Variants in PSD2 observed in about 807,000 individuals in gnomAD.
PSD2 encodes the protein PH and SEC7 domain-containing protein 2.
Under a neutral mutation model 69.8 loss-of-function variants are expected in PSD2, and 38 were observed. That is an observed-to-expected ratio of 0.54 (90% CI 0.42 to 0.71). The LOEUF (loss-of-function observed/expected upper bound fraction) is 0.71, where lower values mean the gene tolerates loss of function less well. PSD2 is among the 30% of genes least tolerant of loss of function. The pLI is 0.00. For synonymous variants in PSD2, 412 were observed against 423.0 expected, an observed-to-expected ratio of 0.97 and a Z score of 0.32; for missense variants, 943 against 1,014.5, an observed-to-expected ratio of 0.93 and a Z score of 0.96.
intron 7 of PSD2, among the ~76,000 whole-genome samples, chr5:139,827,908 C>A (rs978945903): frequency 6.6e-6 from 1 of 151,798 alleles, no homozygotes; most frequent in Admixed American, 6.6e-5. Flanking sequence ...GGACACAGGG[C>A]GAAACTGTAT....
At chr5:139,773,326 A>G in the PSD2 span, among the ~76,000 whole-genome samples, 21 of 152,196 alleles carry the variant, frequency 1.4e-4, no homozygotes, top group East Asian at 3.9e-3. Context: ...GCAGTGGCAC[A>G]ATCATAGCTC....
In PSD2 at chr5:139,840,210, G is replaced by A. The variant is rs763150858; in HGVS notation, c.2112+40G>A. On this transcript the variant is annotated intron_variant, in intron 14 of 14. Coordinates refer to ENST00000274710, the MANE Select transcript of PSD2 (RefSeq NM_032289.4). ...ACTGGATTGCAAAGCCCAGTGCCCT[G>A]CTCTTTCTCCTTCCTGCCTGGCCTG... 3.7e-6 allele frequency: 6 copies of A among 1,606,720 alleles called. No individual in the cohort carries two copies. In the Admixed American group the frequency reaches 8.4e-5, roughly 22 times the overall value.
the PSD2 span, among the ~76,000 whole-genome samples, chr5:139,778,788 G>C: frequency 6.6e-6 from 1 of 151,998 alleles, no homozygotes; most frequent in African/African-American, 2.4e-5. Context: ...AATTAGCTGG[G>C]TGTGGTGGCA....
intron 7 of PSD2, 84 bp downstream of exon 7, chr5:139,822,868 T>G: frequency 3.6e-5 from 42 of 1,171,022 alleles, no homozygotes; most frequent in Non-Finnish European, 4.6e-5. Flanking sequence ...CTGAGATCTC[T>G]TACTCAGTGG....
chr5:139,810,490 G>C lies in PSD2; in HGVS notation c.371+679G>C, dbSNP rs188208132. Among the ~76,000 whole-genome samples, 166 of 152,324 alleles carry C rather than the reference G, an allele frequency of 1.1e-3. 3 individuals carry two copies. Among genetic ancestry groups the C allele is most frequent in the Admixed American group, 8.8e-3 (135 of 15,308 alleles). ...GCTCTGGCCTGAAAGGGCAGTGTAC[G>C]GGTAGTGTGTGAGTGTGCGTGGGGG... On this transcript the variant is annotated intron_variant, in intron 2 of 14. Coordinates refer to ENST00000274710, the MANE Select transcript of PSD2 (RefSeq NM_032289.4).
the PSD2 span, among the ~76,000 whole-genome samples, chr5:139,773,448 A>G: frequency 6.6e-6 from 1 of 151,942 alleles, no homozygotes; most frequent in Non-Finnish European, 1.5e-5. Flanking sequence ...TTTTCTAGAG[A>G]CAGAGTCTTG....
At chr5:139,784,446 A>G in the PSD2 span, among the ~76,000 whole-genome samples, 1 of 152,062 alleles carries the variant, frequency 6.6e-6, no homozygotes, top group Non-Finnish European at 1.5e-5. Context: ...GATGTCTCCA[A>G]TCTATCTCTA....
Position 139,809,500 on chromosome 5 carries a change from C to T in PSD2, c.60C>T (p.Pro20=), listed in dbSNP as rs148884126. ...AGGAAGGCGATGCCACCCGTGACCC[C>T]GGTCCAGAGCCTGAAGAGGAGCCAG... ...VPEEGDATRD[P]GPEPEEEPGV... Residue 20 remains proline, a synonymous_variant, in exon 2 of 15, where the codon CCC becomes CCT. Transcript: ENST00000274710. The T allele has an allele frequency of 3.7e-4, 595 of 1,612,666 alleles. 1 individual carries two copies. In the African/African-American group the frequency reaches 6.3e-3, roughly 17 times the overall value.
At chr5:139,746,138 C>T in the PSD2 span, 1 of 152,308 alleles carries the variant, frequency 6.6e-6, no homozygotes, top group Admixed American at 6.5e-5. This position sits in a 1 kb window ranked among gnomAD's most constrained non-coding sequence, Gnocchi z 4.5. Flanking sequence ...GAAAGCTGGA[C>T]AAAACTATAT....
chr5:139,838,911 C>G (rs922221075), intron 13 of PSD2, 139 bp downstream of exon 13: 2 of 898,486 alleles, frequency 2.2e-6, no homozygotes, highest in Non-Finnish European at 3.3e-6. Context: ...ACACCTGTTC[C>G]CTCCATCCCA....
At chr5:139,799,424 G>A (rs775364095) in intron 1 of PSD2, among the ~76,000 whole-genome samples, 59 of 152,326 alleles carry the variant, frequency 3.9e-4, no homozygotes, top group Non-Finnish European at 6.5e-4. Flanking sequence ...CCCAGAGAAA[G>A]TAGTGAGAGG....
chr5:139,815,814 G>A (rs1760107484), intron 4 of PSD2, among the ~76,000 whole-genome samples: 1 of 151,858 alleles, frequency 6.6e-6, no homozygotes, highest in Non-Finnish European at 1.5e-5. Flanking sequence ...GCCAATATGG[G>A]GAAACCCTGT....
intron 1 of PSD2, among the ~76,000 whole-genome samples, chr5:139,801,620 C>T (rs2126925136): frequency 6.6e-6 from 1 of 152,250 alleles, no homozygotes; most frequent in African/African-American, 2.4e-5. Flanking sequence ...ATACAGATCC[C>T]ATCCAGTCTT....
chr5:139,827,142 G>A (rs1411485248), intron 7 of PSD2, among the ~76,000 whole-genome samples: 1 of 152,198 alleles, frequency 6.6e-6, no homozygotes, highest in Non-Finnish European at 1.5e-5. Flanking sequence ...CTAGAGGTGG[G>A]GTCATTCTTC....
chr5:139,767,323 T>C, the PSD2 span, among the ~76,000 whole-genome samples: 1 of 150,050 alleles, frequency 6.7e-6, no homozygotes, highest in Non-Finnish European at 1.5e-5. Flanking sequence ...CCTTTTATTT[T>C]TATTTTTTAA....
upstream of PSD2, among the ~76,000 whole-genome samples, chr5:139,794,270 T>C (rs2126916460): frequency 6.6e-6 from 1 of 152,340 alleles, no homozygotes; most frequent in East Asian, 1.9e-4. Flanking sequence ...GTCTCAGTTT[T>C]CTCATCTGTA....
At position 139,809,558 on chromosome 5, in the gene PSD2, A is replaced by G. The variant is rs1293793225; in HGVS notation, c.118A>G (p.Asn40Asp). The stretch of plus-strand genomic sequence containing the variant: ...GAATGGGATGGCCAGTGAGGGCCTG[A>G]ACAGCAGCCTCTGCAGCCCAGGGCA... The part of the protein sequence containing the change: ...VRNGMASEGL[N>D]SSLCSPGHER... Residue 40 changes from asparagine (N) to aspartate (D), a missense_variant, in exon 2 of 15, where the codon AAC (asparagine) becomes GAC (aspartate). Asn to Asp is a conservative substitution (Grantham distance 23, BLOSUM62 1). Around this residue, in one of 3 missense-constraint regions of PSD2, gnomAD observed 466 missense variants for 445.0 expected, o/e 1.05. Transcript: ENST00000274710. 6.2e-7 allele frequency: 1 copy of G among 1,614,006 alleles called. No individual in the cohort carries two copies. Among genetic ancestry groups the G allele is most frequent in the Non-Finnish European group, 8.5e-7 (1 of 1,179,884 alleles).
At position 139,814,043 on chromosome 5, in the gene PSD2, G is replaced by A. The variant is rs1245516315; in HGVS notation, c.822-127G>A. On this transcript the variant is annotated intron_variant, in intron 3 of 14. Transcript: ENST00000274710. This position sits in a 1 kb window ranked among gnomAD's most constrained non-coding sequence, Gnocchi z 4.4. ...TCTGATTTCATTCCCTCCGGCTGCA[G>A]TGGAGCTTCTTTCCCTGTTCTGGCC... 4 of 891,800 alleles carry A rather than the reference G, an allele frequency of 4.5e-6. No homozygotes were observed. Among genetic ancestry groups the A allele is most frequent in the Non-Finnish European group, 7.0e-6 (4 of 568,282 alleles). 55.2% of individuals were successfully genotyped at this position (891,800 alleles called of 1,614,324 possible).
upstream of PSD2, among the ~76,000 whole-genome samples, chr5:139,795,451 A>G (rs1759494591): frequency 6.6e-6 from 1 of 152,008 alleles, no homozygotes; most frequent in Non-Finnish European, 1.5e-5. This position sits in a 1 kb window ranked among gnomAD's most constrained non-coding sequence, Gnocchi z 4.5. Flanking sequence ...CCGAGAGCTC[A>G]GGTTCTAGAC....
Sources: gnomAD v4.1 joint callset for allele counts (sites outside exome capture counted in the v4.1 genomes callset) on GRCh38, gnomAD v4.1.1 for gene constraint, gnomAD v4.1.1 regional missense constraint, Gnocchi (gnomAD v3.1) non-coding constraint, MANE v1.5 for transcripts, NCBI Gene and HGNC (gene_info 2026-07-23, HGNC 2026-07-21) for gene names.